Variants in ATP2B1 observed in about 807,000 individuals in gnomAD.
ATP2B1 encodes the protein plasma membrane calcium-transporting ATPase 1.
In ATP2B1, 14 loss-of-function variants were observed where a neutral mutation model predicts 124.2. The observed-to-expected ratio is 0.11, with a 90% CI of 0.07 to 0.18. The LOEUF (loss-of-function observed/expected upper bound fraction) is 0.18. ATP2B1 is among the 10% of genes least tolerant of loss of function. ATP2B1 has a pLI of 1.00. For synonymous variants in ATP2B1, 449 were observed against 492.4 expected (o/e 0.91, Z 1.17); for missense variants, 763 against 1,466.1 (o/e 0.52, Z 7.83).
At chr12:89,705,027 C>A (rs528805018) in intron 1 of ATP2B1, among the ~76,000 whole-genome samples, 1 of 152,088 alleles carries the variant, frequency 6.6e-6, no homozygotes, top group Admixed American at 6.5e-5. Flanking sequence ...TGATGGACCA[C>A]GAGAGTTGGT....
intron 1 of ATP2B1, among the ~76,000 whole-genome samples, chr12:89,669,809 G>A (rs1406612000): frequency 1.3e-5 from 2 of 151,968 alleles, no homozygotes; most frequent in African/African-American, 4.8e-5. Flanking sequence ...GATATAGAAG[G>A]CACACAATAT....
chr12:89,610,708 C>G, intron 13 of ATP2B1, 200 bp from the exon 14 acceptor site: 1 of 520,204 alleles, frequency 1.9e-6, no homozygotes, highest in Non-Finnish European at 3.4e-6. Flanking sequence ...GCCCAGCAAT[C>G]TGTGTTTTAA....
chr12:89,612,402 G>A (rs182767785), intron 12 of ATP2B1, among the ~76,000 whole-genome samples: 259 of 151,980 alleles, frequency 1.7e-3, no homozygotes, highest in African/African-American at 5.9e-3. Flanking sequence ...AAAGGATCAC[G>A]GAGGTAACAT....
At chr12:89,629,900 T>C (rs1045716928) in intron 6 of ATP2B1, among the ~76,000 whole-genome samples, 14 of 152,194 alleles carry the variant, frequency 9.2e-5, no homozygotes, top group African/African-American at 1.7e-4. Flanking sequence ...ATGTCTCTTG[T>C]GTATAACAGT....
chr12:89,625,479 G>A (rs769475747), intron 8 of ATP2B1, among the ~76,000 whole-genome samples: 1 of 151,616 alleles, frequency 6.6e-6, no homozygotes, highest in African/African-American at 2.4e-5. Flanking sequence ...AGCTACTTCG[G>A]GGGTGGAGGC....
intron 12 of ATP2B1, among the ~76,000 whole-genome samples, chr12:89,612,469 A>T (rs1408386453): frequency 6.6e-6 from 1 of 152,116 alleles, no homozygotes; most frequent in Non-Finnish European, 1.5e-5. Context: ...CTAATGAAAG[A>T]GCTATTTAGC....
Position 89,634,774 on chromosome 12 carries a change from T to G in ATP2B1, c.787+4A>C, listed in dbSNP as rs974456996. 1.9e-6 allele frequency: 3 copies of G among 1,577,464 alleles called. No individual in the cohort carries two copies. Among genetic ancestry groups the G allele is most frequent in the Admixed American group, 3.9e-5 (2 of 50,710 alleles). On this transcript the variant is annotated splice_donor_region_variant and intron_variant, in intron 5 of 20. Coordinates refer to ENST00000428670, the MANE Select transcript of ATP2B1 (RefSeq NM_001366521.1). ...GTGTTCAAAGATATAAATGAAATTT[T>G]TACCTGATAGAAGTAAGGGATCCTT...
chr12:89,593,125 C>T (rs1873906736), intron 20 of ATP2B1, among the ~76,000 whole-genome samples: 1 of 152,044 alleles, frequency 6.6e-6, no homozygotes, highest in Admixed American at 6.6e-5. Flanking sequence ...AAGTGTTCTA[C>T]ATATGGAATG....
At chr12:89,645,610 G>A (rs1025590638) in intron 2 of ATP2B1, among the ~76,000 whole-genome samples, 1 of 152,096 alleles carries the variant, frequency 6.6e-6, no homozygotes, top group Non-Finnish European at 1.5e-5. Flanking sequence ...GAAGACTTTC[G>A]AGCAGAACAT....
intron 1 of ATP2B1, among the ~76,000 whole-genome samples, chr12:89,683,145 GA>G (rs1332068207): frequency 6.6e-6 from 1 of 152,188 alleles, no homozygotes. Context: ...TCACATTAAT[GA>G]AAGTTCAAAA....
Position 89,591,051 on chromosome 12 carries a change from T to C in ATP2B1, c.3596A>G (p.Glu1199Gly), listed in dbSNP as rs533915498. The C allele has an allele frequency of 1.9e-4, 306 of 1,613,262 alleles. 6 individuals are homozygous for C. In the South Asian group the frequency reaches 3.3e-3, roughly 18 times the overall value. ...TGAAGAGGTAGCAGACTTGTTCATT[T>C]CTATTGTAAGGTGAATTCCACTGTC... ...AVDSGIHLTI[E>G]MNKSATSSSP... Residue 1199 changes from glutamate (E) to glycine (G), a missense_variant, in exon 21 of 21, where the codon GAA (glutamate) becomes GGA (glycine). By Grantham distance (98) the Glu-to-Gly change is moderately conservative. Coordinates refer to ENST00000428670, the MANE Select transcript of ATP2B1 (RefSeq NM_001366521.1).
chr12:89,613,916 T>C (rs1192203764), intron 12 of ATP2B1, among the ~76,000 whole-genome samples: 6 of 152,218 alleles, frequency 3.9e-5, no homozygotes, highest in African/African-American at 1.2e-4. Context: ...CAAGAATCCC[T>C]CCACCAGAAT....
At chr12:89,704,494 C>T (rs1023825340) in intron 1 of ATP2B1, among the ~76,000 whole-genome samples, 4 of 151,966 alleles carry the variant, frequency 2.6e-5, no homozygotes, top group South Asian at 2.1e-4. Context: ...CTTACATAAA[C>T]GTGTATAATG....
At chr12:89,626,779 T>C (rs1030485492) in intron 7 of ATP2B1, among the ~76,000 whole-genome samples, 164 bp from the exon 8 acceptor site, 3 of 152,132 alleles carry the variant, frequency 2.0e-5, no homozygotes, top group Admixed American at 2.0e-4. Context: ...AATAAGACAA[T>C]AGTGACGTTA....
intron 20 of ATP2B1, chr12:89,594,615 T>C (rs920595293): frequency 3.4e-5 from 5 of 147,814 alleles, no homozygotes; most frequent in African/African-American, 1.2e-4. Flanking sequence ...ACAAAAATAC[T>C]GCATGAAGCA....
chr12:89,683,022 G>A (rs1889546698), intron 1 of ATP2B1, among the ~76,000 whole-genome samples: 1 of 152,124 alleles, frequency 6.6e-6, no homozygotes, highest in Non-Finnish European at 1.5e-5. Context: ...ATGATTGAAA[G>A]CCATAGACAA....
intron 1 of ATP2B1, among the ~76,000 whole-genome samples, chr12:89,665,064 C>T (rs994251593): frequency 2.0e-5 from 3 of 152,036 alleles, no homozygotes; most frequent in Non-Finnish European, 2.9e-5. Context: ...CTCCTGACTC[C>T]GTGATCTGCC....
intron 1 of ATP2B1, among the ~76,000 whole-genome samples, chr12:89,657,333 T>A (rs1429735131): frequency 6.6e-6 from 1 of 152,224 alleles, no homozygotes. Context: ...GTCTCACACA[T>A]ACAATGCCCT....
intron 1 of ATP2B1, among the ~76,000 whole-genome samples, chr12:89,671,577 T>C (rs1231585983): frequency 2.0e-5 from 3 of 152,106 alleles, no homozygotes; most frequent in South Asian, 4.1e-4. Flanking sequence ...TTACCCCCAA[T>C]TGCCAGATGA....
Sources: allele counts gnomAD v4.1 joint callset (sites outside exome capture counted in the v4.1 genomes callset), GRCh38; gene constraint gnomAD v4.1.1; transcripts MANE v1.5; gene names NCBI Gene and HGNC (gene_info 2026-07-23, HGNC 2026-07-21).